The following MECOM variants were observed in gnomAD, a reference collection of about 807,000 sequenced individuals.
MECOM encodes the protein histone-lysine N-methyltransferase MECOM.
A neutral mutation model predicts 116.3 loss-of-function variants in MECOM; 13 were observed. The observed-to-expected ratio is 0.11, with a 90% CI of 0.07 to 0.18. The LOEUF (loss-of-function observed/expected upper bound fraction) is 0.18, where lower values mean the gene tolerates loss of function less well. MECOM is among the 10% of genes least tolerant of loss of function. The pLI is 1.00. For synonymous variants in MECOM, 528 were observed against 535.2 expected (o/e 0.99, Z 0.19); for missense variants, 1,299 against 1,509.0 (o/e 0.86, Z 2.31).
At chr3:169,264,144 T>C (rs1208383278) in intron 2 of MECOM, among the ~76,000 whole-genome samples, 2 of 152,216 alleles carry the variant, frequency 1.3e-5, no homozygotes, top group Non-Finnish European at 2.9e-5. Flanking sequence ...GACATACTAC[T>C]TAACTTCCAA....
chr3:169,087,101 A>G (rs115976568), intron 16 of MECOM, among the ~76,000 whole-genome samples: 1 of 152,222 alleles, frequency 6.6e-6, no homozygotes, highest in Non-Finnish European at 1.5e-5. Context: ...AGTGTTTCTT[A>G]TAACAGTAAC....
intron 1 of MECOM, among the ~76,000 whole-genome samples, chr3:169,387,671 T>C (rs1328391149): frequency 2.0e-5 from 3 of 152,222 alleles, no homozygotes; most frequent in Non-Finnish European, 2.9e-5. Context: ...AGAAGTTAAT[T>C]ATTTATACTC....
intron 2 of MECOM, among the ~76,000 whole-genome samples, chr3:169,245,113 G>A (rs1417029122): frequency 6.6e-6 from 1 of 152,174 alleles, no homozygotes; most frequent in Non-Finnish European, 1.5e-5. Flanking sequence ...TGTTCTGGGT[G>A]CCCATTTATG....
At chr3:169,134,665 A>G (rs1190008425) in intron 3 of MECOM, among the ~76,000 whole-genome samples, 1 of 152,154 alleles carries the variant, frequency 6.6e-6, no homozygotes, top group African/African-American at 2.4e-5. Flanking sequence ...ATTACCTCTC[A>G]TCCCTTAGGG....
At chr3:169,607,912 A>G (rs543420034) in intron 1 of MECOM, among the ~76,000 whole-genome samples, 149 of 152,318 alleles carry the variant, frequency 9.8e-4, no homozygotes, top group Admixed American at 2.7e-3. Context: ...GATATATTTT[A>G]TAATCTACAG....
chr3:169,520,776 CA>C lies in MECOM; in HGVS notation c.38-139253del, dbSNP rs369900345. Among the ~76,000 whole-genome samples, 171 of 150,574 alleles carry C rather than the reference CA, an allele frequency of 1.1e-3. 1 individual carries two copies. Among genetic ancestry groups the C allele is most frequent in the African/African-American group, 3.8e-3 (157 of 41,056 alleles). On this transcript the variant is annotated intron_variant, in intron 1 of 16. Transcript: ENST00000651503. ...TTATAAAAACTTAAAATCTTAATCTCAAAAAAAAATGGCTATGTGGAAAAGT... is the reference window on the plus strand; with the variant it reads ...TTATAAAAACTTAAAATCTTAATCTCAAAAAAAATGGCTATGTGGAAAAGT...
chr3:169,233,031 T>C (rs1221624416), intron 2 of MECOM, among the ~76,000 whole-genome samples: 2 of 152,104 alleles, frequency 1.3e-5, no homozygotes, highest in Non-Finnish European at 2.9e-5. Context: ...GGAGTAATTA[T>C]GCTCTATAAT....
chr3:169,364,136 T>A (rs913882148), intron 2 of MECOM, among the ~76,000 whole-genome samples: 4 of 151,984 alleles, frequency 2.6e-5, no homozygotes, highest in African/African-American at 9.7e-5. Flanking sequence ...GTTAATGAAA[T>A]GTTCTAAGGT....
At chr3:169,143,592 AAAC>A (rs1738785230) in intron 3 of MECOM, 103 bp downstream of exon 3, 1 of 1,099,540 alleles carries the variant, frequency 9.1e-7, no homozygotes, top group African/African-American at 1.6e-5. Context: ...CAATATCAAC[AAAC>A]AGGCCACAAG....
At chr3:169,474,711 C>A (rs1287088366) in intron 1 of MECOM, among the ~76,000 whole-genome samples, 1 of 152,104 alleles carries the variant, frequency 6.6e-6, no homozygotes, top group Non-Finnish European at 1.5e-5. Flanking sequence ...TACAAAAACT[C>A]TGAGTTTTTT....
chr3:169,194,514 A>G (rs1205363185), intron 2 of MECOM, among the ~76,000 whole-genome samples: 1 of 152,088 alleles, frequency 6.6e-6, no homozygotes, highest in African/African-American at 2.4e-5. Flanking sequence ...GCTTGTTTGT[A>G]AACATCTTAA....
intron 1 of MECOM, among the ~76,000 whole-genome samples, chr3:169,575,354 C>T (rs986881731): frequency 1.1e-4 from 16 of 152,094 alleles, no homozygotes; most frequent in African/African-American, 3.4e-4. Flanking sequence ...GTGTGCCCTG[C>T]GGGGGTAGAA....
intron 1 of MECOM, among the ~76,000 whole-genome samples, chr3:169,403,298 A>C (rs1053927755): frequency 6.6e-6 from 1 of 152,200 alleles, no homozygotes; most frequent in Non-Finnish European, 1.5e-5. Flanking sequence ...TGATGGAAAA[A>C]ATATAGAAAA....
intron 2 of MECOM, among the ~76,000 whole-genome samples, chr3:169,278,677 A>G (rs1438595488): frequency 2.6e-5 from 4 of 152,252 alleles, no homozygotes; most frequent in African/African-American, 9.6e-5. Flanking sequence ...AGAATGACAG[A>G]CAACAACATA....
At chr3:169,093,194 G>A in intron 13 of MECOM, 92 bp from the exon 14 acceptor site, 1 of 1,320,136 alleles carries the variant, frequency 7.6e-7, no homozygotes, top group Non-Finnish European at 1.0e-6. Context: ...GATCAGTGCT[G>A]TTTCTTAAAA....
At chr3:169,194,726 G>A (rs1274134436) in intron 2 of MECOM, among the ~76,000 whole-genome samples, 1 of 152,050 alleles carries the variant, frequency 6.6e-6, no homozygotes, top group Non-Finnish European at 1.5e-5. Context: ...GTGCCAGGCT[G>A]TGCCAGAATT....
intron 1 of MECOM, among the ~76,000 whole-genome samples, chr3:169,627,046 AG>A (rs1319421811): frequency 3.3e-5 from 5 of 152,220 alleles, no homozygotes; most frequent in African/African-American, 9.7e-5. Context: ...AATACCTTAA[AG>A]AAGGATCAAT....
chr3:169,190,485 T>A (rs1747373653), intron 2 of MECOM, among the ~76,000 whole-genome samples: 1 of 152,078 alleles, frequency 6.6e-6, no homozygotes, highest in Admixed American at 6.6e-5. Flanking sequence ...CTGCTATCAA[T>A]GTATATCAGT....
chr3:169,660,397 C>A (rs953339993), intron 1 of MECOM, among the ~76,000 whole-genome samples: 7 of 152,000 alleles, frequency 4.6e-5, no homozygotes, highest in East Asian at 1.9e-4. Context: ...ACAAGCCTTA[C>A]AAGTTGCAAA....
Sources: gnomAD v4.1 joint callset for allele counts (sites outside exome capture counted in the v4.1 genomes callset) on GRCh38, gnomAD v4.1.1 for gene constraint, MANE v1.5 for transcripts, NCBI Gene and HGNC (gene_info 2026-07-23, HGNC 2026-07-21) for gene names.